Variants in PDE4D observed in about 807,000 individuals in gnomAD.
The protein encoded by PDE4D is phosphodiesterase 4D, also known as 3',5'-cyclic-AMP phosphodiesterase 4D.
A neutral mutation model predicts 87.4 loss-of-function variants in PDE4D; 24 were observed. The observed-to-expected ratio is 0.27, with a 90% CI of 0.20 to 0.39. The LOEUF (loss-of-function observed/expected upper bound fraction) is 0.39, where lower values mean the gene tolerates loss of function less well. Among genes scored for constraint, PDE4D ranks in the 10% least tolerant of loss-of-function variants. The pLI is 1.00. For synonymous variants in PDE4D, 384 were observed against 383.2 expected (o/e 1.00, Z -0.02); for missense variants, 714 against 1,041.0 (o/e 0.69, Z 4.32).
intron 1 of PDE4D, among the ~76,000 whole-genome samples, chr5:59,798,541 T>C (rs1189147719): frequency 2.6e-5 from 4 of 152,028 alleles, no homozygotes; most frequent in Non-Finnish European, 5.9e-5. Flanking sequence ...GGAGTTCCTA[T>C]AAGCAATTTT....
intron 1 of PDE4D, among the ~76,000 whole-genome samples, chr5:59,523,062 G>C (rs1562330032): frequency 6.6e-6 from 1 of 152,146 alleles, no homozygotes; most frequent in African/African-American, 2.4e-5. Flanking sequence ...GTTGGCTTTT[G>C]AAATGAATGC....
intron 5 of PDE4D, among the ~76,000 whole-genome samples, chr5:59,113,545 C>G (rs1046111959): frequency 9.2e-5 from 14 of 152,162 alleles, no homozygotes; most frequent in Non-Finnish European, 1.8e-4. Context: ...TCTCTAGACA[C>G]TATCTATCAA....
intron 1 of PDE4D, among the ~76,000 whole-genome samples, chr5:60,515,438 G>A (rs904349202): frequency 6.6e-6 from 1 of 151,998 alleles, no homozygotes; most frequent in African/African-American, 2.4e-5. Context: ...TTCAAAAATG[G>A]TTTCTAAATT....
At chr5:59,032,786 G>A (rs1459220556) in intron 6 of PDE4D, among the ~76,000 whole-genome samples, 2 of 152,008 alleles carry the variant, frequency 1.3e-5, no homozygotes, top group South Asian at 2.1e-4. Flanking sequence ...TGCACCAAAC[G>A]GAGCTTTACA....
chr5:59,192,343 C>T (rs184982910), intron 3 of PDE4D, among the ~76,000 whole-genome samples: 1 of 152,076 alleles, frequency 6.6e-6, no homozygotes, highest in East Asian at 1.9e-4. Flanking sequence ...ATTTTATAAG[C>T]GTGGTATTAT....
At chr5:60,306,582 C>T (rs191491885) in intron 1 of PDE4D, among the ~76,000 whole-genome samples, 32 of 151,972 alleles carry the variant, frequency 2.1e-4, no homozygotes, top group African/African-American at 7.0e-4. Context: ...AGCAGAAAAA[C>T]GGCAATTAAG....
chr5:59,902,771 T>C (rs7732416), intron 3 of PDE4D, among the ~76,000 whole-genome samples: 36,911 of 151,714 alleles, frequency 0.24, 6,849 homozygotes, highest in African/African-American at 0.52. Context: ...GTTGAATATC[T>C]CATTTCAGAA....
chr5:60,457,269 A>G (rs1746546212), intron 1 of PDE4D, among the ~76,000 whole-genome samples: 1 of 152,210 alleles, frequency 6.6e-6, no homozygotes, highest in South Asian at 2.1e-4. Flanking sequence ...TCAGTGAGTA[A>G]TAAGGCCTTT....
chr5:60,170,334 T>C (rs1178311612), intron 2 of PDE4D, among the ~76,000 whole-genome samples: 1 of 151,966 alleles, frequency 6.6e-6, no homozygotes, highest in Non-Finnish European at 1.5e-5. Flanking sequence ...ACTGATAGGC[T>C]AGCCTTTCAC....
At chr5:59,514,428 G>A (rs1017803920) in intron 1 of PDE4D, among the ~76,000 whole-genome samples, 12 of 151,972 alleles carry the variant, frequency 7.9e-5, no homozygotes, top group African/African-American at 2.2e-4. Flanking sequence ...TTAGAATCTC[G>A]GTCTACCACC....
intron 1 of PDE4D, among the ~76,000 whole-genome samples, chr5:59,804,107 A>G (rs139577417): frequency 1.2e-4 from 19 of 152,084 alleles, no homozygotes; most frequent in African/African-American, 3.6e-4. Flanking sequence ...GTGATTTCTG[A>G]TATTTTGGTG....
At chr5:60,464,252 A>G (rs928246855) in intron 1 of PDE4D, among the ~76,000 whole-genome samples, 1 of 152,240 alleles carries the variant, frequency 6.6e-6, no homozygotes, top group Non-Finnish European at 1.5e-5. Flanking sequence ...GGAGAAAATT[A>G]TAGCAATCAA....
intron 2 of PDE4D, among the ~76,000 whole-genome samples, chr5:60,002,641 C>A (rs866616999): frequency 3.2e-4 from 48 of 151,950 alleles, no homozygotes; most frequent in African/African-American, 1.1e-3. Flanking sequence ...TGTAATATAC[C>A]GAATGAACAC....
At chr5:60,173,749 T>C (rs1370725713) in intron 2 of PDE4D, among the ~76,000 whole-genome samples, 1 of 152,070 alleles carries the variant, frequency 6.6e-6, no homozygotes, top group African/African-American at 2.4e-5. Flanking sequence ...CATATATAAT[T>C]TTACTACTTA....
intron 1 of PDE4D, among the ~76,000 whole-genome samples, chr5:59,271,840 T>G (rs1425651096): frequency 6.6e-6 from 1 of 151,890 alleles, no homozygotes; most frequent in Non-Finnish European, 1.5e-5. Context: ...AATACTTTAT[T>G]GATAAAAACT....
Position 58,976,481 on chromosome 5 carries a change from ATAGAG to A in PDE4D, c.1708-14_1708-10del. 1 of 1,537,734 alleles carries A rather than the reference ATAGAG, an allele frequency of 6.5e-7. No individual in the cohort carries two copies. The highest frequency in any genetic ancestry group is 8.8e-7 in the Non-Finnish European group (1 of 1,132,514). On this transcript the variant is annotated splice_polypyrimidine_tract_variant and intron_variant, in intron 12 of 14. Coordinates refer to ENST00000340635, the MANE Select transcript of PDE4D (RefSeq NM_001104631.2). The stretch of plus-strand genomic sequence containing the variant: ...ATATCTGTTGCAAGTACCTTAAAAT[ATAGAG>A]TATATTATTAAGTTCAGAGAAAACA...
intron 5 of PDE4D, among the ~76,000 whole-genome samples, chr5:59,066,629 T>A (rs1296953621): frequency 6.6e-6 from 1 of 152,066 alleles, no homozygotes; most frequent in Non-Finnish European, 1.5e-5. Context: ...TAAGACGTGG[T>A]TTATTCTTCA....
At chr5:59,953,346 C>T (rs897382984) in intron 3 of PDE4D, among the ~76,000 whole-genome samples, 8 of 151,264 alleles carry the variant, frequency 5.3e-5, no homozygotes, top group Admixed American at 1.3e-4. Flanking sequence ...TAAATATTTA[C>T]ATTGTCTAGA....
At chr5:59,574,513 G>C (rs34060514) in intron 1 of PDE4D, among the ~76,000 whole-genome samples, 132 of 152,146 alleles carry the variant, frequency 8.7e-4, no homozygotes, top group Non-Finnish European at 1.3e-3. Context: ...AAGGTGATTT[G>C]CTCAAAGTTA....
Sources: allele counts gnomAD v4.1 joint callset (sites outside exome capture counted in the v4.1 genomes callset), GRCh38; gene constraint gnomAD v4.1.1; transcripts MANE v1.5; gene names NCBI Gene and HGNC (gene_info 2026-07-23, HGNC 2026-07-21).